Variants in ABCA13 observed in about 807,000 individuals in gnomAD.
ABCA13 encodes ATP binding cassette subfamily A member 13.
A neutral mutation model predicts 478.7 loss-of-function variants in ABCA13; 476 were observed. The observed-to-expected ratio is 0.99, with a 90% CI of 0.92 to 1.07. The LOEUF is 1.07. Ranked by LOEUF, ABCA13 falls within the 50% of genes least tolerant of loss-of-function variation. ABCA13 has a pLI of 0.00. For missense variants in ABCA13, 6,060 were observed against 5,910.6 expected (o/e 1.03, Z -0.83); for synonymous variants, 2,252 against 2,158.9 (o/e 1.04, Z -1.20).
intron 1 of ABCA13, among the ~76,000 whole-genome samples, chr7:48,188,118 T>C (rs1183106717): frequency 6.6e-6 from 1 of 152,190 alleles, no homozygotes; most frequent in South Asian, 2.1e-4. Flanking sequence ...AAGGAGAAGA[T>C]TGGAAATGGT....
rs528033759 is a variant in ABCA13, at chr7:48,453,490, G to T, written c.12566-1547G>T. On this transcript the variant is annotated intron_variant, in intron 42 of 61. Transcript: ENST00000435803. The stretch of plus-strand genomic sequence containing the variant: ...AACCCTGAAATCCTTAAAAATGGGT[G>T]TGCAGGTCTTTCTTGTCTTGGTTTC... Among the ~76,000 whole-genome samples the T allele has an allele frequency of 7.9e-5, 12 of 152,332 alleles. 1 individual carries two copies. The highest frequency in any genetic ancestry group is 7.8e-4 in the Admixed American group (12 of 15,304).
chr7:48,603,331 G>T (rs1363360074), intron 58 of ABCA13, among the ~76,000 whole-genome samples: 1 of 152,060 alleles, frequency 6.6e-6, no homozygotes, highest in Admixed American at 6.5e-5. Flanking sequence ...AATGCTTCTA[G>T]GTTTTGCGCA....
At chr7:48,380,883 G>A (rs921460835) in intron 35 of ABCA13, among the ~76,000 whole-genome samples, 1 of 152,114 alleles carries the variant, frequency 6.6e-6, no homozygotes, top group African/African-American at 2.4e-5. Context: ...CCTGCTGTAC[G>A]GGGCGATCAC....
At chr7:48,445,012 T>TTTC (rs1824105948) in intron 42 of ABCA13, among the ~76,000 whole-genome samples, 1 of 26,156 alleles carries the variant, frequency 3.8e-5, no homozygotes, top group Non-Finnish European at 6.5e-5. Context: ...TCTTTCTTTC[T>TTTC]TTTTTTTTTT....
chr7:48,278,338 AAT>A lies in ABCA13; in HGVS notation c.7148_7149del (p.Ile2383ArgfsTer15), dbSNP rs757088823. The A allele has an allele frequency of 3.7e-5, 60 of 1,613,170 alleles. No homozygotes were observed. Among genetic ancestry groups the A allele is most frequent in the Non-Finnish European group, 5.0e-5 (59 of 1,179,484 alleles). ...TTCAATGAAAAATAAGACTGAAAATAATATAGACTTTTTCACAGTGGTGAGTC... is the reference window on the plus strand; with the variant it reads ...TTCAATGAAAAATAAGACTGAAAATAATAGACTTTTTCACAGTGGTGAGTC... ...ETSMKNKTENNIDFFTVVSQL... is the reference protein window; with the variant it reads ...ETSMKNKTENXIDFFTVVSQL... On this transcript the variant is annotated frameshift_variant, in exon 18 of 62. Coordinates refer to ENST00000435803, the MANE Select transcript of ABCA13 (RefSeq NM_152701.5). LOFTEE classifies it high-confidence loss of function.
At chr7:48,397,475 G>C (rs1388837460) in intron 38 of ABCA13, among the ~76,000 whole-genome samples, 1 of 150,332 alleles carries the variant, frequency 6.7e-6, no homozygotes, top group African/African-American at 2.4e-5. Context: ...AATTAAAATT[G>C]TAAAAAAAAA....
intron 52 of ABCA13, 65 bp downstream of exon 52, chr7:48,516,946 A>G (rs985739084): frequency 1.3e-6 from 2 of 1,513,006 alleles, no homozygotes; most frequent in South Asian, 2.6e-5. Context: ...GTGTTAACTC[A>G]TGCCTCTTTT....
chr7:48,619,129 T>C (rs1442859933), intron 59 of ABCA13, among the ~76,000 whole-genome samples: 4 of 152,210 alleles, frequency 2.6e-5, no homozygotes, highest in Non-Finnish European at 5.9e-5. Context: ...CCCCCTTCTC[T>C]TCCTTGGTAC....
chr7:48,607,557 A>G (rs1217250525), intron 58 of ABCA13, among the ~76,000 whole-genome samples: 1 of 152,186 alleles, frequency 6.6e-6, no homozygotes, highest in African/African-American at 2.4e-5. Context: ...GATGTTTATA[A>G]TAGCTGCATT....
rs957111679 is a variant in ABCA13, at chr7:48,466,164, A to G, written c.12816-792A>G. 2.6e-5 allele frequency among the ~76,000 whole-genome samples: 4 copies of G among 152,202 alleles called. No individual in the cohort carries two copies. The South Asian group carries it at 6.2e-4, about 24-fold the overall frequency. ...AAATGAGCTCATTCTCATTCAGTCC[A>G]ATTTAGAAAATCTTAAAATGTCTTT... On this transcript the variant is annotated intron_variant, in intron 43 of 61. Coordinates refer to ENST00000435803, the MANE Select transcript of ABCA13 (RefSeq NM_152701.5).
At chr7:48,368,647 T>C (rs1812082076) in intron 32 of ABCA13, among the ~76,000 whole-genome samples, 1 of 148,714 alleles carries the variant, frequency 6.7e-6, no homozygotes, top group South Asian at 2.1e-4. Context: ...TCATTCCTTT[T>C]TATGGATGAG....
chr7:48,293,547 T>C (rs989777696), intron 20 of ABCA13, among the ~76,000 whole-genome samples: 1 of 152,326 alleles, frequency 6.6e-6, no homozygotes, highest in East Asian at 1.9e-4. Context: ...AAATAAATTC[T>C]GATGATGTAA....
At chr7:48,520,558 T>A (rs1048157470) in intron 53 of ABCA13, among the ~76,000 whole-genome samples, 10 of 147,030 alleles carry the variant, frequency 6.8e-5, no homozygotes, top group African/African-American at 2.2e-4. Context: ...TTTTTTAAAA[T>A]TTTTTTTATT....
intron 37 of ABCA13, among the ~76,000 whole-genome samples, chr7:48,390,163 C>G (rs986054183): frequency 6.6e-6 from 1 of 152,174 alleles, no homozygotes; most frequent in Non-Finnish European, 1.5e-5. Flanking sequence ...TACTAAGACA[C>G]ATTTCTTACA....
rs747014550 is a variant in ABCA13 at position 48,298,382 on chromosome 7, T to C, written c.9216T>C (p.Asp3072=). 1.9e-6 allele frequency: 3 copies of C among 1,610,200 alleles called. No individual in the cohort carries two copies. Among genetic ancestry groups the C allele is most frequent in the East Asian group, 2.2e-5 (1 of 44,834 alleles). ...FTVTEDVKIK[D]LMKNITKLTE... ...ACTTTGCAGATGTAAAAATAAAAGA[T>C]TTGATGAAGAATATCACCAAGTTGA... Residue 3072 remains aspartate (D), a synonymous_variant, in exon 23 of 62, where the codon GAT becomes GAC. Transcript: ENST00000435803.
intron 55 of ABCA13, among the ~76,000 whole-genome samples, chr7:48,575,323 A>G (rs987192650): frequency 2.0e-5 from 3 of 152,242 alleles, no homozygotes; most frequent in Non-Finnish European, 2.9e-5. Flanking sequence ...GTTTTTTAAA[A>G]GTTGATACTC....
chr7:48,219,236 A>G, intron 3 of ABCA13, 118 bp from the exon 4 acceptor site: 3 of 1,004,716 alleles, frequency 3.0e-6, no homozygotes, highest in Non-Finnish European at 4.3e-6. Flanking sequence ...GTAGATGATG[A>G]GAGTGTAAGT....
At chr7:48,618,789 C>T (rs1792854288) in intron 59 of ABCA13, among the ~76,000 whole-genome samples, 1 of 151,944 alleles carries the variant, frequency 6.6e-6, no homozygotes, top group Non-Finnish European at 1.5e-5. Flanking sequence ...TGTGAGAGCC[C>T]CTTAGAGGAG....
chr7:48,573,687 T>C (rs1376028430), intron 55 of ABCA13, among the ~76,000 whole-genome samples: 1 of 152,120 alleles, frequency 6.6e-6, no homozygotes, highest in Non-Finnish European at 1.5e-5. Flanking sequence ...TAAGCTATGA[T>C]TGTACCACTG....
Sources: allele counts gnomAD v4.1 joint callset (sites outside exome capture counted in the v4.1 genomes callset), GRCh38; gene constraint gnomAD v4.1.1; transcripts MANE v1.5; gene names NCBI Gene and HGNC (gene_info 2026-07-23, HGNC 2026-07-21).